The following NSMCE2 variants were observed in gnomAD, a reference collection of about 807,000 sequenced individuals.
NSMCE2 encodes NSE2 SUMO ligase component of SMC5/6 complex, also known as E3 SUMO-protein ligase NSE2.
A neutral mutation model predicts 23.8 loss-of-function variants in NSMCE2; 24 were observed. The ratio of observed to expected loss-of-function variants is 1.01; its 90% CI spans 0.73 to 1.42. The LOEUF (loss-of-function observed/expected upper bound fraction) is 1.42. Among genes scored for constraint, NSMCE2 ranks in the 40% most tolerant of loss-of-function variants. The probability of loss-of-function intolerance (pLI) is 0.00; values close to 1 mark genes in which losing one functional copy is unlikely to be tolerated. For synonymous variants in NSMCE2, 92 were observed against 94.1 expected (o/e 0.98, Z 0.13); for missense variants, 284 against 296.5 (o/e 0.96, Z 0.31).
At chr8:125,259,256 C>T (rs1430977392) in intron 5 of NSMCE2, among the ~76,000 whole-genome samples, 1 of 152,116 alleles carries the variant, frequency 6.6e-6, no homozygotes, top group Non-Finnish European at 1.5e-5. Flanking sequence ...CCTGAGTGAA[C>T]TCTGCCAGCC....
intron 5 of NSMCE2, among the ~76,000 whole-genome samples, chr8:125,206,552 T>A (rs1285220840): frequency 6.6e-6 from 1 of 152,180 alleles, no homozygotes; most frequent in Admixed American, 6.5e-5. Flanking sequence ...GTAGTATCTA[T>A]AGGATTTGTC....
intron 5 of NSMCE2, among the ~76,000 whole-genome samples, chr8:125,259,011 T>C (rs929124542): frequency 2.0e-5 from 3 of 152,202 alleles, no homozygotes; most frequent in Non-Finnish European, 4.4e-5. Flanking sequence ...CAAGCGATTC[T>C]CCTGCCTCAG....
chr8:125,110,633 A>T (rs745526695), intron 3 of NSMCE2, among the ~76,000 whole-genome samples: 1 of 152,168 alleles, frequency 6.6e-6, no homozygotes, highest in African/African-American at 2.4e-5. Context: ...TTTGATTATA[A>T]GCAGTCTGAC....
chr8:125,122,390 CCTTCTACA>C (rs1485503396), intron 3 of NSMCE2, among the ~76,000 whole-genome samples: 1 of 152,126 alleles, frequency 6.6e-6, no homozygotes, highest in Non-Finnish European at 1.5e-5. Context: ...GTAGTTATTA[CCTTCTACA>C]ACTATTTTAA....
At chr8:125,143,121 C>G (rs914640157) in intron 3 of NSMCE2, among the ~76,000 whole-genome samples, 1 of 151,486 alleles carries the variant, frequency 6.6e-6, no homozygotes, top group Non-Finnish European at 1.5e-5. Context: ...CACACACACA[C>G]AGAGGTAGGT....
intron 4 of NSMCE2, among the ~76,000 whole-genome samples, chr8:125,164,748 A>G (rs1321141911): frequency 6.6e-6 from 1 of 152,236 alleles, no homozygotes; most frequent in African/African-American, 2.4e-5. Flanking sequence ...AAAGTAAAAT[A>G]AAAATGAAAT....
intron 5 of NSMCE2, among the ~76,000 whole-genome samples, chr8:125,301,181 G>T (rs1828547743): frequency 6.6e-6 from 1 of 152,194 alleles, no homozygotes; most frequent in South Asian, 2.1e-4. Flanking sequence ...TGGGGAATGT[G>T]CTAGAACCCC....
chr8:125,217,193 A>G (rs1824626366), intron 5 of NSMCE2, among the ~76,000 whole-genome samples: 1 of 152,176 alleles, frequency 6.6e-6, no homozygotes, highest in Non-Finnish European at 1.5e-5. Context: ...ATGTGTTTTG[A>G]AAGATCCTGT....
At chr8:125,361,075 T>A (rs115357046) in intron 7 of NSMCE2, among the ~76,000 whole-genome samples, 12,751 of 151,884 alleles carry the variant, frequency 0.084, 701 homozygotes, top group South Asian at 0.18. Flanking sequence ...TCCTTTTTTT[T>A]TTTTTCGTTT....
chr8:125,182,143 T>G lies in NSMCE2; in HGVS notation c.305T>G (p.Leu102Ter). ...CCAGAAAAAATACCAGATTTAAAAT[T>G]ATTGGTAGAGAAGAAATTTTTGGCT... ...ERPEKIPDLK[L>*]LVEKKFLALQ... The change falls in exon 5 of 8, where the codon TTA becomes TGA. Residue 102 changes from leucine (L) to a stop codon, truncating the protein, a stop_gained. Transcript: ENST00000287437. LOFTEE classifies it high-confidence loss of function. The G allele has an allele frequency of 1.2e-6, 2 of 1,602,608 alleles. No individual in the cohort carries two copies. The highest frequency in any genetic ancestry group is 1.7e-6 in the Non-Finnish European group (2 of 1,175,722).
chr8:125,348,774 GAACTGT>G (rs2131345103), intron 5 of NSMCE2: 1 of 152,158 alleles, frequency 6.6e-6, no homozygotes, highest in South Asian at 2.1e-4. Context: ...CAGCCACGTG[GAACTGT>G]GAGTCCATTA....
intron 5 of NSMCE2, among the ~76,000 whole-genome samples, chr8:125,301,380 T>C (rs1055166170): frequency 2.6e-5 from 4 of 152,350 alleles, no homozygotes; most frequent in African/African-American, 9.6e-5. Flanking sequence ...ATCTGTCACA[T>C]ACTGGCTTTG....
At chr8:125,275,729 T>C (rs1827425265) in intron 5 of NSMCE2, among the ~76,000 whole-genome samples, 1 of 152,190 alleles carries the variant, frequency 6.6e-6, no homozygotes, top group Non-Finnish European at 1.5e-5. Context: ...ATGAGGTGTT[T>C]TGCTGATTTC....
At chr8:125,219,483 C>A (rs561828306) in intron 5 of NSMCE2, among the ~76,000 whole-genome samples, 2 of 152,336 alleles carry the variant, frequency 1.3e-5, no homozygotes, top group African/African-American at 4.8e-5. Flanking sequence ...TGCTGCTATA[C>A]TGCCTAGAGC....
At chr8:125,313,522 C>G (rs907176617) in intron 5 of NSMCE2, among the ~76,000 whole-genome samples, 1 of 152,144 alleles carries the variant, frequency 6.6e-6, no homozygotes, top group African/African-American at 2.4e-5. Flanking sequence ...GACAGACAGG[C>G]CTTACTCTTG....
At chr8:125,155,695 T>A (rs1821270197) in intron 4 of NSMCE2, among the ~76,000 whole-genome samples, 1 of 152,232 alleles carries the variant, frequency 6.6e-6, no homozygotes, top group Non-Finnish European at 1.5e-5. Flanking sequence ...GATTATATGT[T>A]TATGATTGTT....
chr8:125,252,474 T>C (rs4372018), intron 5 of NSMCE2, among the ~76,000 whole-genome samples: 91,769 of 151,940 alleles, frequency 0.6, 30,186 homozygotes, highest in African/African-American at 0.88. Context: ...CGCAGTGAGC[T>C]GAGATCCCGC....
intron 3 of NSMCE2, among the ~76,000 whole-genome samples, chr8:125,132,477 T>C (rs1819823329): frequency 6.7e-6 from 1 of 149,564 alleles, no homozygotes; most frequent in Admixed American, 6.6e-5. Flanking sequence ...TAAGACAATT[T>C]TTAAATTAAA....
intron 5 of NSMCE2, among the ~76,000 whole-genome samples, chr8:125,207,864 G>A (rs531493129): frequency 1.2e-4 from 18 of 152,334 alleles, no homozygotes; most frequent in Middle Eastern, 3.4e-3. Context: ...GTAGCAGTGG[G>A]TAGGCAAGAG....
Sources: gnomAD v4.1 joint callset for allele counts (sites outside exome capture counted in the v4.1 genomes callset) on GRCh38, gnomAD v4.1.1 for gene constraint, MANE v1.5 for transcripts, NCBI Gene and HGNC (gene_info 2026-07-23, HGNC 2026-07-21) for gene names.